NRG3: variants seen among roughly 807,000 people sequenced by gnomAD.
NRG3 encodes pro-neuregulin-3, membrane-bound isoform.
A neutral mutation model predicts 66.9 loss-of-function variants in NRG3; 31 were observed. The observed-to-expected ratio is 0.46, with a 90% confidence interval of 0.35 to 0.63. NRG3 has a LOEUF of 0.63. Among genes scored for constraint, NRG3 ranks in the 20% least tolerant of loss-of-function variants. The pLI is 0.00. For synonymous variants in NRG3, 393 were observed against 359.4 expected (o/e 1.09, Z -1.06); for missense variants, 910 against 878.9 (o/e 1.04, Z -0.45).
chr10:82,530,505 A>G (rs1011079534), intron 2 of NRG3, among the ~76,000 whole-genome samples: 2 of 151,958 alleles, frequency 1.3e-5, no homozygotes, highest in African/African-American at 4.8e-5. Context: ...TTACATAAAT[A>G]CTTGGCAAAT....
chr10:82,730,809 G>A (rs1437291842), intron 2 of NRG3, among the ~76,000 whole-genome samples: 1 of 152,070 alleles, frequency 6.6e-6, no homozygotes, highest in African/African-American at 2.4e-5. Context: ...GAGTGGCTGG[G>A]GAAAGGAATG....
At chr10:82,663,408 A>G (rs17100439) in intron 2 of NRG3, among the ~76,000 whole-genome samples, 9,961 of 152,142 alleles carry the variant, frequency 0.065, 1,074 homozygotes, top group African/African-American at 0.23. Flanking sequence ...TGTAGATCTG[A>G]AAAGGACTGT....
At chr10:82,625,529 CCTT>C (rs1285076166) in intron 2 of NRG3, among the ~76,000 whole-genome samples, 1 of 152,062 alleles carries the variant, frequency 6.6e-6, no homozygotes, top group African/African-American at 2.4e-5. Context: ...ATGAAGCAAT[CCTT>C]CTTAATGTAG....
At chr10:82,526,734 A>G (rs1846743809) in intron 2 of NRG3, among the ~76,000 whole-genome samples, 1 of 152,028 alleles carries the variant, frequency 6.6e-6, no homozygotes, top group Non-Finnish European at 1.5e-5. Flanking sequence ...TATAAAGTAA[A>G]AACTGATAAG....
At chr10:82,080,340 A>G (rs1285314447) in intron 1 of NRG3, among the ~76,000 whole-genome samples, 1 of 152,134 alleles carries the variant, frequency 6.6e-6, no homozygotes, top group Non-Finnish European at 1.5e-5. Flanking sequence ...TCTTCAGTTA[A>G]TGTTGCTAAG....
intron 2 of NRG3, among the ~76,000 whole-genome samples, chr10:82,689,573 A>T (rs1244031741): frequency 6.6e-6 from 1 of 152,210 alleles, no homozygotes; most frequent in Non-Finnish European, 1.5e-5. Context: ...ACAAACAAGT[A>T]CACCAAATCC....
At chr10:81,967,312 G>C (rs936527264) in intron 1 of NRG3, among the ~76,000 whole-genome samples, 2 of 151,012 alleles carry the variant, frequency 1.3e-5, no homozygotes, top group African/African-American at 2.4e-5. Flanking sequence ...TTTCCCTTGT[G>C]TTTTTTATTT....
intron 3 of NRG3, among the ~76,000 whole-genome samples, chr10:82,855,641 G>A (rs528358): frequency 4.0e-5 from 6 of 151,734 alleles, no homozygotes; most frequent in Admixed American, 1.3e-4. Flanking sequence ...CAAGTGATTC[G>A]CCTGCCTCAG....
At chr10:82,917,759 G>A (rs1845986237) in intron 4 of NRG3, among the ~76,000 whole-genome samples, 1 of 151,968 alleles carries the variant, frequency 6.6e-6, no homozygotes, top group Non-Finnish European at 1.5e-5. Flanking sequence ...GGAGCTAGGA[G>A]CTTGGCTGCA....
intron 3 of NRG3, among the ~76,000 whole-genome samples, chr10:82,766,319 TTGTGATGCTGACA>T (rs2059510834): frequency 6.6e-6 from 1 of 152,174 alleles, no homozygotes; most frequent in African/African-American, 2.4e-5. Flanking sequence ...CTCGTCTTTA[TTGTGATGCTGACA>T]TGTGATACAG....
At chr10:82,510,101 A>C (rs1845037700) in intron 2 of NRG3, among the ~76,000 whole-genome samples, 1 of 152,060 alleles carries the variant, frequency 6.6e-6, no homozygotes. Context: ...TTTTCAGTGA[A>C]ATATTTATTT....
intron 1 of NRG3, among the ~76,000 whole-genome samples, chr10:81,882,885 C>T (rs961726831): frequency 6.6e-6 from 1 of 152,116 alleles, no homozygotes; most frequent in African/African-American, 2.4e-5. Context: ...GAACCACAAA[C>T]TGGAGGTCAT....
chr10:82,019,883 A>C (rs184646830), intron 1 of NRG3, among the ~76,000 whole-genome samples: 2 of 152,152 alleles, frequency 1.3e-5, no homozygotes, highest in Admixed American at 1.3e-4. Context: ...CTTTTCAAAA[A>C]ACCAGCTCCT....
At chr10:82,578,298 GA>G (rs2046152478) in intron 2 of NRG3, among the ~76,000 whole-genome samples, 1 of 142,386 alleles carries the variant, frequency 7.0e-6, no homozygotes, top group African/African-American at 2.6e-5. Flanking sequence ...AAATATCAAT[GA>G]AACTCAAGTT....
At chr10:82,419,710 C>T (rs575070360) in intron 2 of NRG3, among the ~76,000 whole-genome samples, 100 of 152,190 alleles carry the variant, frequency 6.6e-4, no homozygotes, top group African/African-American at 2.3e-3. Context: ...TCAAATAAAA[C>T]GTAGGAATAG....
At chr10:82,896,768 C>T (rs1422420869) in intron 4 of NRG3, among the ~76,000 whole-genome samples, 1 of 152,212 alleles carries the variant, frequency 6.6e-6, no homozygotes, top group Non-Finnish European at 1.5e-5. Context: ...TCCCAGTGGA[C>T]TGTAGCAGAA....
intron 2 of NRG3, among the ~76,000 whole-genome samples, chr10:82,694,250 T>C (rs1398952825): frequency 2.0e-5 from 3 of 152,036 alleles, no homozygotes; most frequent in Non-Finnish European, 4.4e-5. Context: ...TTTTACAGAG[T>C]GATGATGGGT....
At chr10:82,191,668 A>T (rs966664666) in intron 1 of NRG3, among the ~76,000 whole-genome samples, 1 of 152,186 alleles carries the variant, frequency 6.6e-6, no homozygotes, top group African/African-American at 2.4e-5. Context: ...TACAAGAGGG[A>T]ACTTCATTCC....
intron 1 of NRG3, among the ~76,000 whole-genome samples, chr10:81,882,939 T>G (rs1240075764): frequency 6.6e-6 from 1 of 152,174 alleles, no homozygotes; most frequent in African/African-American, 2.4e-5. Flanking sequence ...AAAGCCTATT[T>G]CCAGCATATG....
Sources: allele counts gnomAD v4.1 joint callset (sites outside exome capture counted in the v4.1 genomes callset), GRCh38; gene constraint gnomAD v4.1.1; transcripts MANE v1.5; gene names NCBI Gene and HGNC (gene_info 2026-07-23, HGNC 2026-07-21).